Variants in RIN2 observed in about 807,000 individuals in gnomAD.
RIN2 encodes Ras and Rab interactor 2, also known as RAB5 interacting protein 2.
RIN2 carries 36 observed loss-of-function variants against 78.0 expected under a neutral mutation model. The observed-to-expected ratio is 0.46, with a 90% CI of 0.35 to 0.61. RIN2 has a LOEUF of 0.61. Among genes scored for constraint, RIN2 ranks in the 20% least tolerant of loss-of-function variants. The probability of loss-of-function intolerance (pLI) is 0.00; values close to 1 mark genes in which losing one functional copy is unlikely to be tolerated. For missense variants in RIN2, 1,087 were observed against 1,159.7 expected (o/e 0.94, Z 0.91); for synonymous variants, 466 against 466.8 (o/e 1.00, Z 0.02).
At chr20:19,859,044 G>A (rs1012139730) in intron 2 of RIN2, among the ~76,000 whole-genome samples, 2 of 152,234 alleles carry the variant, frequency 1.3e-5, no homozygotes, top group African/African-American at 4.8e-5. Context: ...GAGTCCATAG[G>A]GCTTTCTTGG....
At chr20:19,806,078 A>G (rs543985534) in intron 2 of RIN2, among the ~76,000 whole-genome samples, 3 of 152,268 alleles carry the variant, frequency 2.0e-5, no homozygotes, top group South Asian at 4.1e-4. Flanking sequence ...ATAGTATTCT[A>G]TGGTGTATAT....
At chr20:19,823,771 A>G in intron 2 of RIN2, 1 of 1,597,408 alleles carries the variant, frequency 6.3e-7, no homozygotes, top group Non-Finnish European at 8.5e-7. Context: ...TTTCACTGTA[A>G]TCCTCAGGCC....
At chr20:19,916,637 C>T (rs1336353415) in intron 3 of RIN2, among the ~76,000 whole-genome samples, 2 of 152,144 alleles carry the variant, frequency 1.3e-5, no homozygotes, top group Non-Finnish European at 2.9e-5. Flanking sequence ...GACCACTGCT[C>T]CCCAGAAATG....
intron 2 of RIN2, among the ~76,000 whole-genome samples, chr20:19,807,217 A>G (rs536378734): frequency 1.3e-5 from 2 of 152,372 alleles, no homozygotes; most frequent in Admixed American, 1.3e-4. Context: ...AGCAAGTCAC[A>G]TGGCCAAACC....
At chr20:19,885,700 A>C (rs566122247) in intron 2 of RIN2, among the ~76,000 whole-genome samples, 2 of 152,108 alleles carry the variant, frequency 1.3e-5, no homozygotes, top group South Asian at 4.2e-4. Flanking sequence ...CAAAAAAAAA[A>C]ACGAAAAGAA....
chr20:19,902,440 A>C (rs964196839), intron 3 of RIN2, among the ~76,000 whole-genome samples: 13 of 152,082 alleles, frequency 8.5e-5, no homozygotes, highest in African/African-American at 3.1e-4. Flanking sequence ...TTTGCTGGCC[A>C]CCCACCACTA....
At chr20:19,948,709 T>C (rs949523554) in intron 4 of RIN2, among the ~76,000 whole-genome samples, 5 of 150,218 alleles carry the variant, frequency 3.3e-5, no homozygotes, top group African/African-American at 7.6e-5. Context: ...AAATTGTCCA[T>C]TTAAAAACTC....
In RIN2 at chr20:19,889,568, G is replaced by T; in HGVS notation, c.-34G>T. ...ATTAAAAATGTCTCTACCTTCAGGA[G>T]TCCCCGGCGTGCAGTGGAGCCTCGC... On this transcript the variant is annotated splice_region_variant and 5_prime_UTR_variant, in exon 3 of 13. Coordinates refer to ENST00000255006, the MANE Select transcript of RIN2 (RefSeq NM_018993.4). 6.5e-7 allele frequency: 1 copy of T among 1,548,460 alleles called. No homozygotes were observed.
At chr20:19,967,438 T>G (rs1299061474) in intron 7 of RIN2, among the ~76,000 whole-genome samples, 2 of 152,230 alleles carry the variant, frequency 1.3e-5, no homozygotes, top group African/African-American at 4.8e-5. Flanking sequence ...ATTTTTTAGT[T>G]GGTTGTTAGT....
chr20:19,825,323 C>T (rs532283060), intron 2 of RIN2, among the ~76,000 whole-genome samples: 16 of 152,304 alleles, frequency 1.1e-4, no homozygotes, highest in African/African-American at 3.1e-4. Flanking sequence ...GGTCACCCAG[C>T]GGTCTGAGGC....
chr20:19,844,692 C>CTTCTTCTTCTTCT (rs1555832328), intron 2 of RIN2, among the ~76,000 whole-genome samples: 3 of 117,624 alleles, frequency 2.6e-5, no homozygotes, highest in African/African-American at 1.0e-4. Context: ...CTTCCTCTTC[C>CTTCTTCTTCTTCT]TCTTCCTCTT....
intron 9 of RIN2, among the ~76,000 whole-genome samples, chr20:19,976,987 T>G (rs1165356004): frequency 6.6e-6 from 1 of 152,114 alleles, no homozygotes; most frequent in Non-Finnish European, 1.5e-5. Flanking sequence ...AAAGCTGGGG[T>G]GTTGCTGGAG....
chr20:19,982,757 G>A (rs149527625), intron 9 of RIN2, among the ~76,000 whole-genome samples: 93 of 152,314 alleles, frequency 6.1e-4, no homozygotes, highest in African/African-American at 1.8e-3. Flanking sequence ...CCAGAGCTCT[G>A]GCCCAGGGTG....
At chr20:19,784,070 G>A (rs1329827043) in intron 1 of RIN2, among the ~76,000 whole-genome samples, 2 of 152,210 alleles carry the variant, frequency 1.3e-5, no homozygotes, top group Non-Finnish European at 2.9e-5. Flanking sequence ...CTGGCACGTG[G>A]CACCGGATGG....
intron 1 of RIN2, among the ~76,000 whole-genome samples, chr20:19,782,461 T>C (rs146157274): frequency 0.067 from 10,077 of 150,630 alleles, 545 homozygotes; most frequent in African/African-American, 0.15. Context: ...GCTACTTGGG[T>C]GGCTGAGGCA....
intron 1 of RIN2, among the ~76,000 whole-genome samples, chr20:19,771,153 G>T (rs2034105505): frequency 1.3e-5 from 2 of 152,200 alleles, no homozygotes; most frequent in Admixed American, 1.3e-4. Flanking sequence ...ACCTAGGTCT[G>T]CCTGGTCAAA....
intron 1 of RIN2, among the ~76,000 whole-genome samples, chr20:19,775,286 G>A (rs2034272040): frequency 6.6e-6 from 1 of 152,212 alleles, no homozygotes; most frequent in African/African-American, 2.4e-5. Context: ...ATTTTATGTT[G>A]CCAACTATGG....
intron 2 of RIN2, among the ~76,000 whole-genome samples, chr20:19,801,384 A>G (rs1401320333): frequency 1.3e-5 from 2 of 151,872 alleles, no homozygotes; most frequent in African/African-American, 2.4e-5. Context: ...GCAGTGGCGC[A>G]ATGTCGGCTC....
At position 19,824,006 on chromosome 20, in the gene RIN2, GCCT is replaced by G. The variant is rs561406195; in HGVS notation, c.-37+24265_-37+24267del. On this transcript the variant is annotated intron_variant, in intron 2 of 12. Transcript: ENST00000255006. ...GACGACCGAAGAAAGTTGCACCTTGGCCTCCTCCGAGCCGAAAGCCGAGAGAGC... is the reference window on the plus strand; with the variant it reads ...GACGACCGAAGAAAGTTGCACCTTGGCCTCCGAGCCGAAAGCCGAGAGAGC... 545 of 1,025,800 alleles carry G rather than the reference GCCT, an allele frequency of 5.3e-4. 2 individuals are homozygous for G. The highest frequency in any genetic ancestry group is 3.9e-4 in the East Asian group (15 of 38,520). The allele number at this position is 1,025,800 out of a possible 1,614,324, so 63.5% of individuals were successfully genotyped here. A position where few individuals can be genotyped will look rare whatever the true frequency, so the allele number is the denominator to read the frequency against.
Sources: allele counts gnomAD v4.1 joint callset (sites outside exome capture counted in the v4.1 genomes callset), GRCh38; gene constraint gnomAD v4.1.1; transcripts MANE v1.5; gene names NCBI Gene and HGNC (gene_info 2026-07-23, HGNC 2026-07-21).